The following EPSTI1 variants were observed in gnomAD, a reference collection of about 807,000 sequenced individuals.
EPSTI1 encodes epithelial stromal interaction 1.
A neutral mutation model predicts 49.9 loss-of-function variants in EPSTI1; 66 were observed. That is an observed-to-expected ratio of 1.32 (90% CI 1.08 to 1.62). The LOEUF (loss-of-function observed/expected upper bound fraction) is 1.62, where lower values mean the gene tolerates loss of function less well. Among genes scored for constraint, EPSTI1 ranks in the 40% most tolerant of loss-of-function variants. EPSTI1 has a pLI of 0.00. For missense variants in EPSTI1, 394 were observed against 365.5 expected (o/e 1.08, Z -0.64); for synonymous variants, 137 against 130.7 (o/e 1.05, Z -0.33).
chr13:42,899,383 A>G (rs879761919), intron 9 of EPSTI1, among the ~76,000 whole-genome samples: 2 of 152,126 alleles, frequency 1.3e-5, no homozygotes, highest in African/African-American at 4.8e-5. Flanking sequence ...TATAATTCAC[A>G]TTTGTAGTTT....
intron 8 of EPSTI1, among the ~76,000 whole-genome samples, chr13:42,903,262 T>C (rs1260941221): frequency 6.6e-6 from 1 of 152,114 alleles, no homozygotes; most frequent in Non-Finnish European, 1.5e-5. Context: ...AAAATGATCA[T>C]GCAACTTGTC....
intron 4 of EPSTI1, chr13:42,963,600 C>A: frequency 2.0e-6 from 1 of 503,588 alleles, no homozygotes; most frequent in Non-Finnish European, 3.5e-6. Context: ...CTGTCTCTCT[C>A]TGTGTGTATG....
At chr13:42,944,941 G>A (rs1452893362) in intron 6 of EPSTI1, among the ~76,000 whole-genome samples, 1 of 152,098 alleles carries the variant, frequency 6.6e-6, no homozygotes, top group Non-Finnish European at 1.5e-5. Context: ...TCTCACTCTG[G>A]TCTTCCTTCC....
intron 5 of EPSTI1, among the ~76,000 whole-genome samples, chr13:42,961,539 C>T (rs1447087957): frequency 6.6e-6 from 1 of 152,216 alleles, no homozygotes; most frequent in Non-Finnish European, 1.5e-5. Context: ...AGGATTAACT[C>T]TTCCTGGGCC....
chr13:42,930,707 T>C (rs1169977569), intron 6 of EPSTI1, among the ~76,000 whole-genome samples: 2 of 152,064 alleles, frequency 1.3e-5, no homozygotes, highest in African/African-American at 4.8e-5. Flanking sequence ...AGTCAGAAAA[T>C]AGAATAGAAA....
At position 42,917,640 on chromosome 13, in the gene EPSTI1, G is replaced by GATAAAAAAAAAA; in HGVS notation, c.658-17_658-16insTTTTTTTTTTAT. The stretch of plus-strand genomic sequence containing the variant: ...AGCTTCTGGCCTGTAAAGGTACAAA[G>GATAAAAAAAAAA]AGAAAAAAAAAAAAAAAAACAACTT... On this transcript the variant is annotated splice_polypyrimidine_tract_variant and intron_variant, in intron 7 of 10. Transcript: ENST00000313624. 6.7e-6 allele frequency: 1 copy of GATAAAAAAAAAA among 149,424 alleles called. No homozygotes were observed. The highest frequency in any genetic ancestry group is 1.3e-4 in the East Asian group (1 of 7,558). The allele number at this position is 149,424 out of a possible 1,614,324, so 9.3% of individuals were successfully genotyped here.
chr13:42,901,534 GCA>G (rs1435529503), intron 8 of EPSTI1, among the ~76,000 whole-genome samples: 3 of 152,000 alleles, frequency 2.0e-5, no homozygotes, highest in Admixed American at 6.6e-5. Context: ...CACTCAATAA[GCA>G]TTTGTTATAC....
Position 42,922,212 on chromosome 13 carries a change from TAAGAA to T in EPSTI1, c.657+4119_657+4123del, listed in dbSNP as rs1218307356. The stretch of plus-strand genomic sequence containing the variant: ...ATATTAACAGATATTCGGAGCTAAC[TAAGAA>T]AAGAAACAGGTGGTGGGTTGCATAA... On this transcript the variant is annotated intron_variant, in intron 7 of 10. Coordinates refer to ENST00000313624, the MANE Select transcript of EPSTI1 (RefSeq NM_033255.5). This position sits in a 1 kb window ranked among gnomAD's most constrained non-coding sequence, Gnocchi z 4.8. Among the ~76,000 whole-genome samples, 1 of 152,162 alleles carries T rather than the reference TAAGAA, an allele frequency of 6.6e-6. No homozygotes were observed. Among genetic ancestry groups the T allele is most frequent in the Non-Finnish European group, 1.5e-5 (1 of 68,020 alleles).
At position 42,888,506 on chromosome 13, in the gene EPSTI1, G is replaced by T; in HGVS notation, c.916-4C>A. 6.3e-7 allele frequency: 1 copy of T among 1,580,280 alleles called. No individual in the cohort carries two copies. The highest frequency in any genetic ancestry group is 2.2e-5 in the East Asian group (1 of 44,464). On this transcript the variant is annotated splice_region_variant and splice_polypyrimidine_tract_variant and intron_variant, in intron 10 of 10. Coordinates refer to ENST00000313624, the MANE Select transcript of EPSTI1 (RefSeq NM_033255.5). Reference sequence around the variant, plus strand: ...AGTCAATATTTTCTCATATACCCTGGAAGAAAAAGAAAACAAAAATTACTG... The same window carrying T: ...AGTCAATATTTTCTCATATACCCTGTAAGAAAAAGAAAACAAAAATTACTG...
intron 6 of EPSTI1, among the ~76,000 whole-genome samples, chr13:42,944,610 T>C (rs2038864630): frequency 6.6e-6 from 1 of 152,184 alleles, no homozygotes; most frequent in South Asian, 2.1e-4. Context: ...GTGGCACGTG[T>C]ATACCTATGT....
intron 6 of EPSTI1, among the ~76,000 whole-genome samples, chr13:42,932,622 G>GT (rs574043407): frequency 4.6e-4 from 61 of 132,068 alleles, no homozygotes; most frequent in African/African-American, 1.9e-3. Context: ...AAACATCCAG[G>GT]TAAAAAAAAA....
chr13:42,927,012 C>CAA (rs1555262217), intron 6 of EPSTI1, among the ~76,000 whole-genome samples: 42 of 151,732 alleles, frequency 2.8e-4, no homozygotes, highest in African/African-American at 9.7e-4. Flanking sequence ...CACACACACA[C>CAA]ACACACACAC....
chr13:42,967,727 G>A (rs1002096642), intron 3 of EPSTI1, among the ~76,000 whole-genome samples: 1 of 152,150 alleles, frequency 6.6e-6, no homozygotes, highest in Non-Finnish European at 1.5e-5. Flanking sequence ...TGAAAAACTC[G>A]AAGATTCCCA....
chr13:42,889,263 A>AT (rs568559573), intron 10 of EPSTI1: 31 of 1,419,918 alleles, frequency 2.2e-5, no homozygotes, highest in Non-Finnish European at 2.9e-5. Flanking sequence ...AAAAAAATAT[A>AT]TTTTTTACAT....
chr13:42,938,316 T>G (rs544054437), intron 6 of EPSTI1, among the ~76,000 whole-genome samples: 1 of 152,260 alleles, frequency 6.6e-6, no homozygotes, highest in Admixed American at 6.5e-5. Flanking sequence ...GAATCTTTTC[T>G]TCTAAGCAGG....
chr13:42,962,557 C>A (rs1012993307), intron 5 of EPSTI1, among the ~76,000 whole-genome samples: 3 of 151,578 alleles, frequency 2.0e-5, no homozygotes, highest in Admixed American at 1.3e-4. Flanking sequence ...ATCCCTTGAG[C>A]CCAAGAGTTC....
At position 42,981,650 on chromosome 13, in the gene EPSTI1, A is replaced by G. The variant is rs565096686; in HGVS notation, c.188+10328T>C. ...CTGCACAAACAGGAATGTAAATTTG[A>G]TCTAATCAAACCAAAATGTTTTTTT... On this transcript the variant is annotated intron_variant, in intron 1 of 10. Transcript: ENST00000313624. 2.0e-5 allele frequency among the ~76,000 whole-genome samples: 3 copies of G among 152,336 alleles called. No homozygotes were observed. The South Asian group carries it at 6.2e-4, about 32-fold the overall frequency.
chr13:42,895,614 T>C (rs2037168281), intron 9 of EPSTI1, among the ~76,000 whole-genome samples: 1 of 152,242 alleles, frequency 6.6e-6, no homozygotes, highest in Non-Finnish European at 1.5e-5. Context: ...GAGCTTATAT[T>C]ATTCTATTTC....
intron 1 of EPSTI1, 29 bp downstream of exon 1, chr13:42,991,949 C>T: frequency 6.2e-7 from 1 of 1,612,232 alleles, no homozygotes. Context: ...CGGGCTCCCG[C>T]CCCGAAGCCA....
Sources: gnomAD v4.1 joint callset for allele counts (sites outside exome capture counted in the v4.1 genomes callset) on GRCh38, gnomAD v4.1.1 for gene constraint, Gnocchi (gnomAD v3.1) non-coding constraint, MANE v1.5 for transcripts, NCBI Gene and HGNC (gene_info 2026-07-23, HGNC 2026-07-21) for gene names.